The following SERF2 variants were observed in gnomAD, a reference collection of about 807,000 sequenced individuals.
The protein encoded by SERF2 is gastric cancer-related protein VRG107.
In SERF2, 4 loss-of-function variants were observed where a neutral mutation model predicts 10.7. The observed-to-expected ratio is 0.37, with a 90% confidence interval of 0.18 to 0.86. The LOEUF (loss-of-function observed/expected upper bound fraction) is 0.86. Ranked by LOEUF, SERF2 falls within the 40% of genes least tolerant of loss-of-function variation. SERF2 has a pLI of 0.43. For synonymous variants in SERF2, 26 were observed against 26.0 expected (o/e 1.00, Z 0.01); for missense variants, 47 against 79.1 (o/e 0.59, Z 1.54).
intron 1 of SERF2, 45 bp downstream of exon 1, chr15:43,792,428 C>G (rs549042183): frequency 1.5e-5 from 24 of 1,613,698 alleles, no homozygotes; most frequent in Non-Finnish European, 2.0e-5. Flanking sequence ...TTTCCGTTCA[C>G]CCTAAACACC....
intron 2 of SERF2, among the ~76,000 whole-genome samples, chr15:43,786,891 CCTT>C (rs1483377015): frequency 1.1e-4 from 16 of 152,312 alleles, no homozygotes; most frequent in African/African-American, 3.6e-4. Flanking sequence ...GAAAAAAAGT[CCTT>C]CTCTTTGGTC....
intron 2 of SERF2, among the ~76,000 whole-genome samples, chr15:43,786,864 T>A (rs1309126523): frequency 6.6e-6 from 1 of 152,202 alleles, no homozygotes; most frequent in Non-Finnish European, 1.5e-5. Flanking sequence ...AACAGCATTG[T>A]CACCACCCTA....
Position 43,794,207 on chromosome 15 carries a change from A to G in SERF2, c.*434A>G. 2.0e-6 allele frequency: 1 copy of G among 505,318 alleles called. No individual in the cohort carries two copies. The highest frequency in any genetic ancestry group is 3.5e-6 in the Non-Finnish European group (1 of 285,948). 31.3% of individuals were successfully genotyped at this position (505,318 alleles called of 1,614,324 possible). A position where few individuals can be genotyped will look rare whatever the true frequency, so the allele number is the denominator to read the frequency against. On this transcript the variant is annotated 3_prime_UTR_variant, in exon 3 of 3. Coordinates refer to ENST00000249786, the MANE Select transcript of SERF2 (RefSeq NM_001018108.4). ...AAGCCTTTATTATACAATGACAACC[A>G]AACAAGTACTCCGGATATGCAGTAG...
rs545360932 is a variant in SERF2 at position 43,784,846 on chromosome 15, G to A, written c.-526-564G>A. Among the ~76,000 whole-genome samples the A allele has an allele frequency of 8.6e-5, 13 of 151,632 alleles. No individual in the cohort carries two copies. In the South Asian group the frequency reaches 1.0e-3, roughly 12 times the overall value. On this transcript the variant is annotated intron_variant, in intron 1 of 4. Coordinates refer to the SERF2 transcript ENST00000381359. The stretch of plus-strand genomic sequence containing the variant: ...TGGCTCACTGCAACCTCCACCTACC[G>A]GGTTCAAGTGATTCTCCCGCCTCAG...
rs768213727 is a variant in SERF2 at position 43,795,585 on chromosome 15, C to T, written c.*1812C>T. The T allele has an allele frequency of 6.2e-7, 1 of 1,612,456 alleles. No individual in the cohort carries two copies. The highest frequency in any genetic ancestry group is 1.3e-5 in the African/African-American group (1 of 74,846). On this transcript the variant is annotated 3_prime_UTR_variant, in exon 3 of 3. Transcript: ENST00000249786. Reference sequence around the variant, plus strand: ...TGCTGGGAGCAGAGCTGCTGAAACACCTCTTCCCCTCTCCCCCAACTACCT... The same window carrying T: ...TGCTGGGAGCAGAGCTGCTGAAACATCTCTTCCCCTCTCCCCCAACTACCT...
chr15:43,796,062 A>T lies in SERF2; in HGVS notation c.*2289A>T. ...TCAATAAAAGGTAACAGCAGCTATAATCTGAGCATTCTGGGTAGAGGTTGG... is the reference window on the plus strand; with the variant it reads ...TCAATAAAAGGTAACAGCAGCTATATTCTGAGCATTCTGGGTAGAGGTTGG... On this transcript the variant is annotated 3_prime_UTR_variant, in exon 3 of 3. Coordinates refer to ENST00000249786, the MANE Select transcript of SERF2 (RefSeq NM_001018108.4). The T allele has an allele frequency of 1.1e-6, 1 of 928,552 alleles. No individual in the cohort carries two copies. Among genetic ancestry groups the T allele is most frequent in the Admixed American group, 1.8e-5 (1 of 54,542 alleles). 57.5% of individuals were successfully genotyped at this position (928,552 alleles called of 1,614,324 possible).
In SERF2 at chr15:43,794,154, A is replaced by T; in HGVS notation, c.*381A>T. On this transcript the variant is annotated 3_prime_UTR_variant, in exon 3 of 3. Coordinates refer to ENST00000249786, the MANE Select transcript of SERF2 (RefSeq NM_001018108.4). ...CTTTAGATTCAGATTGTGGGTATGT[A>T]GACTTAATAAGTGAAACATCACAGA... The T allele has an allele frequency of 1.7e-6, 1 of 586,962 alleles. No homozygotes were observed. Among genetic ancestry groups the T allele is most frequent in the Non-Finnish European group, 2.9e-6 (1 of 340,650 alleles). 36.4% of individuals were successfully genotyped at this position (586,962 alleles called of 1,614,324 possible). A position where few individuals can be genotyped will look rare whatever the true frequency, so the allele number is the denominator to read the frequency against.
chr15:43,783,132 C>T (rs977652345), intron 1 of SERF2, among the ~76,000 whole-genome samples: 9 of 151,558 alleles, frequency 5.9e-5, no homozygotes, highest in Non-Finnish European at 4.4e-5. Flanking sequence ...CTCAGCCTCC[C>T]GAGTAGCTGG....
At position 43,793,767 on chromosome 15, in the gene SERF2, C is replaced by G. The variant is rs747940819; in HGVS notation, c.174C>G (p.Pro58=). 10 of 1,614,186 alleles carry G rather than the reference C, an allele frequency of 6.2e-6. 1 individual carries two copies. In the South Asian group the frequency reaches 1.1e-4, roughly 18 times the overall value. The change falls in exon 3 of 3, where the codon CCC becomes CCG. Residue 58 remains proline (P), a synonymous_variant. Transcript: ENST00000249786. ...QKKANEKKEE[P]K ...AGGCAAACGAGAAGAAGGAGGAACC[C>G]AAGTAGCTTTGTGGCTTCGTGTCCA...
intron 2 of SERF2, among the ~76,000 whole-genome samples, chr15:43,786,414 CAAAAAAAAAAAA>C (rs1190326241): frequency 1.4e-5 from 1 of 68,994 alleles, no homozygotes; most frequent in African/African-American, 5.0e-5. Context: ...GACTCTGTCT[CAAAAAAAAAAAA>C]AAAAAAAAGC....
At chr15:43,792,910 T>G in intron 1 of SERF2, 65 bp from the exon 2 acceptor site, 1 of 1,194,916 alleles carries the variant, frequency 8.4e-7, no homozygotes, top group South Asian at 1.3e-5. Flanking sequence ...CGCGCTGGGG[T>G]AGAAGGGTCG....
At position 43,793,949 on chromosome 15, in the gene SERF2, C is replaced by T. The variant is rs540137813; in HGVS notation, c.*176C>T. 1.1e-4 allele frequency: 174 copies of T among 1,550,104 alleles called. 1 individual carries two copies. The East Asian group carries it at 3.9e-3, about 35-fold the overall frequency. Reference sequence around the variant, plus strand: ...TCCTTCCCCTCAGGTAGCCTCTCTCCCCCTGGGCCACTCCCGGGGGTGAGG... The same window carrying T: ...TCCTTCCCCTCAGGTAGCCTCTCTCTCCCTGGGCCACTCCCGGGGGTGAGG... On this transcript the variant is annotated 3_prime_UTR_variant, in exon 3 of 3. Transcript: ENST00000249786.
upstream of SERF2, among the ~76,000 whole-genome samples, chr15:43,787,842 G>A (rs369240914): frequency 2.4e-4 from 36 of 150,312 alleles, no homozygotes; most frequent in East Asian, 5.6e-3. Context: ...GGGACTATAG[G>A]CACACACCAC....
In SERF2 at chr15:43,786,596, A is replaced by T. The variant is rs16963757; in HGVS notation, c.-402+1062A>T. 4.1e-3 allele frequency among the ~76,000 whole-genome samples: 623 copies of T among 152,320 alleles called. 5 individuals are homozygous for T. Among genetic ancestry groups the T allele is most frequent in the African/African-American group, 0.014 (577 of 41,570 alleles). On this transcript the variant is annotated intron_variant, in intron 2 of 4. Transcript: ENST00000381359. ...TTTCTCTTGTGTGTGTTTGATTAAAAGTATTTGGCTGAAGTGACAGAAATC... is the reference window on the plus strand; with the variant it reads ...TTTCTCTTGTGTGTGTTTGATTAAATGTATTTGGCTGAAGTGACAGAAATC...
In SERF2 at chr15:43,792,343, G is replaced by C. The variant is rs765184582; in HGVS notation, c.-34G>C. The C allele has an allele frequency of 3.9e-6, 6 of 1,552,992 alleles. No individual in the cohort carries two copies. In the East Asian group the frequency reaches 6.7e-5, roughly 17 times the overall value. On this transcript the variant is annotated 5_prime_UTR_variant, in exon 1 of 3. Transcript: ENST00000249786. ...GCAACGTCCGACAGAACGAGGGGACGTAACGGAGGCAGGTTGGAGCCGCTG... is the reference window on the plus strand; with the variant it reads ...GCAACGTCCGACAGAACGAGGGGACCTAACGGAGGCAGGTTGGAGCCGCTG...
rs1164997656 is a variant in SERF2 at position 43,794,040 on chromosome 15, G to C, written c.*267G>C. The C allele has an allele frequency of 1.4e-6, 2 of 1,394,904 alleles. No individual in the cohort carries two copies. Among genetic ancestry groups the C allele is most frequent in the East Asian group, 2.5e-5 (1 of 39,602 alleles). 86.4% of individuals were successfully genotyped at this position (1,394,904 alleles called of 1,614,324 possible). ...ACCCCAAAGTATTAAAAGTAGCTTTGTAATTCCTTGAGCGCCTGGTTTGAC... is the reference window on the plus strand; with the variant it reads ...ACCCCAAAGTATTAAAAGTAGCTTTCTAATTCCTTGAGCGCCTGGTTTGAC... On this transcript the variant is annotated 3_prime_UTR_variant, in exon 3 of 3. Coordinates refer to ENST00000249786, the MANE Select transcript of SERF2 (RefSeq NM_001018108.4).
upstream of SERF2, among the ~76,000 whole-genome samples, chr15:43,788,011 A>T (rs2087022036): frequency 1.3e-5 from 2 of 150,684 alleles, no homozygotes; most frequent in African/African-American, 4.9e-5. Flanking sequence ...AGTAGCTGGG[A>T]TTACAAGGTA....
chr15:43,788,951 C>T (rs1055757286), upstream of SERF2, among the ~76,000 whole-genome samples: 2 of 152,154 alleles, frequency 1.3e-5, no homozygotes, highest in Non-Finnish European at 2.9e-5. Flanking sequence ...AGATCGAGAC[C>T]ATCCTGGCTA....
At chr15:43,780,930 G>A (rs913131525) in intron 1 of SERF2, among the ~76,000 whole-genome samples, 1 of 151,934 alleles carries the variant, frequency 6.6e-6, no homozygotes, top group Non-Finnish European at 1.5e-5. Flanking sequence ...TTAAATCTTA[G>A]CTAACTCAGC....
Sources: gnomAD v4.1 joint callset for allele counts (sites outside exome capture counted in the v4.1 genomes callset) on GRCh38, gnomAD v4.1.1 for gene constraint, MANE v1.5 for transcripts, NCBI Gene and HGNC (gene_info 2026-07-23, HGNC 2026-07-21) for gene names.